SYNDIG1: variants seen among roughly 807,000 people sequenced by gnomAD.
SYNDIG1 encodes synapse differentiation inducing 1.
A neutral mutation model predicts 19.4 loss-of-function variants in SYNDIG1; 9 were observed. That is an observed-to-expected ratio of 0.46 (90% CI 0.28 to 0.81). The LOEUF (loss-of-function observed/expected upper bound fraction) is 0.81, where lower values mean the gene tolerates loss of function less well. SYNDIG1 is among the 30% of genes least tolerant of loss of function. SYNDIG1 has a pLI of 0.12. For missense variants in SYNDIG1, 311 were observed against 343.3 expected, an observed-to-expected ratio of 0.91 and a Z score of 0.74; for synonymous variants, 141 against 145.9, an observed-to-expected ratio of 0.97 and a Z score of 0.24.
intron 3 of SYNDIG1, among the ~76,000 whole-genome samples, chr20:24,593,676 T>C (rs533800009): frequency 7.9e-4 from 121 of 152,368 alleles, no homozygotes; most frequent in African/African-American, 2.8e-3. Context: ...GCATTCCCTT[T>C]TCTCCACAAC....
rs964268468 is a variant in SYNDIG1 at position 24,506,764 on chromosome 20, G to A, written c.-78-36256G>A. Among the ~76,000 whole-genome samples the A allele has an allele frequency of 2.0e-5, 3 of 152,260 alleles. No homozygotes were observed. The East Asian group carries it at 5.8e-4, about 29-fold the overall frequency. ...TGGCTCCTCCAGGACCTGGCAAGCC[G>A]TGTTATTGTGGTCCCAGGCAGTCCC... On this transcript the variant is annotated intron_variant, in intron 1 of 3. Transcript: ENST00000376862.
chr20:24,558,391 G>A (rs1291310435), intron 2 of SYNDIG1, among the ~76,000 whole-genome samples: 1 of 152,148 alleles, frequency 6.6e-6, no homozygotes, highest in East Asian at 1.9e-4. Context: ...TATTGTTTGT[G>A]TGATGTATCT....
At chr20:24,606,135 T>G (rs547151491) in intron 3 of SYNDIG1, among the ~76,000 whole-genome samples, 64 of 152,364 alleles carry the variant, frequency 4.2e-4, no homozygotes, top group African/African-American at 1.5e-3. Flanking sequence ...GAGGCTGGGA[T>G]GATCCAACAA....
chr20:24,626,255 C>T (rs999390482), intron 3 of SYNDIG1, among the ~76,000 whole-genome samples: 3 of 151,030 alleles, frequency 2.0e-5, no homozygotes, highest in Admixed American at 6.6e-5. Context: ...GGCTGCCGGG[C>T]GGAGATGCTC....
intron 3 of SYNDIG1, among the ~76,000 whole-genome samples, chr20:24,586,043 C>T (rs773804913): frequency 2.0e-5 from 3 of 152,216 alleles, no homozygotes; most frequent in Non-Finnish European, 4.4e-5. Flanking sequence ...GAGGAGAATC[C>T]GCCCTGCCTT....
intron 1 of SYNDIG1, among the ~76,000 whole-genome samples, chr20:24,498,503 C>G (rs2056357297): frequency 6.6e-6 from 1 of 152,192 alleles, no homozygotes; most frequent in African/African-American, 2.4e-5. Context: ...ACCAACACCT[C>G]CCCATTCCCA....
At chr20:24,538,478 T>C (rs527755090) in intron 1 of SYNDIG1, among the ~76,000 whole-genome samples, 3 of 152,358 alleles carry the variant, frequency 2.0e-5, no homozygotes, top group Admixed American at 1.3e-4. Context: ...TGAATGTAGA[T>C]AGCACATTTT....
At chr20:24,506,725 G>A (rs1192721199) in intron 1 of SYNDIG1, among the ~76,000 whole-genome samples, 1 of 152,132 alleles carries the variant, frequency 6.6e-6, no homozygotes. Flanking sequence ...CTGATGCAGT[G>A]GTGTCCGGGG....
intron 1 of SYNDIG1, among the ~76,000 whole-genome samples, chr20:24,541,861 A>C (rs2057475240): frequency 1.3e-5 from 2 of 152,244 alleles, no homozygotes. Flanking sequence ...ATTGGTACAG[A>C]GAGCCATGTG....
intron 2 of SYNDIG1, among the ~76,000 whole-genome samples, chr20:24,546,689 G>T (rs1304366921): frequency 6.6e-6 from 1 of 152,180 alleles, no homozygotes; most frequent in African/African-American, 2.4e-5. Flanking sequence ...CAGTCAGTGT[G>T]GGAGAGACTG....
intron 1 of SYNDIG1, chr20:24,495,850 T>C (rs1452728093): frequency 2.0e-5 from 3 of 152,190 alleles, no homozygotes; most frequent in African/African-American, 7.2e-5. Flanking sequence ...ATTTTATTTA[T>C]TTATTTATTT....
chr20:24,644,208 A>G (rs1415427457), intron 3 of SYNDIG1, among the ~76,000 whole-genome samples: 1 of 152,224 alleles, frequency 6.6e-6, no homozygotes, highest in Non-Finnish European at 1.5e-5. Context: ...GTGCTCATCC[A>G]TGAAGCAAGG....
In SYNDIG1 at chr20:24,574,051, C is replaced by T. The variant is rs181494691; in HGVS notation, c.481-10805C>T. ...AGAATACATCTTACACTGATTTCCTCGAGGTCCCAACAGGAGCAGCCTCCA... is the reference window on the plus strand; with the variant it reads ...AGAATACATCTTACACTGATTTCCTTGAGGTCCCAACAGGAGCAGCCTCCA... On this transcript the variant is annotated intron_variant, in intron 2 of 3. Transcript: ENST00000376862. Among the ~76,000 whole-genome samples the T allele has an allele frequency of 5.3e-5, 8 of 152,296 alleles. No individual in the cohort carries two copies. In the South Asian group the frequency reaches 8.3e-4, roughly 16 times the overall value.
chr20:24,582,170 C>T (rs1481911012), intron 2 of SYNDIG1, among the ~76,000 whole-genome samples: 1 of 143,950 alleles, frequency 6.9e-6, no homozygotes, highest in African/African-American at 2.6e-5. Flanking sequence ...CACTCCCTCC[C>T]GATTGCAAGT....
chr20:24,514,881 C>G (rs936072338), intron 1 of SYNDIG1, among the ~76,000 whole-genome samples: 5 of 152,210 alleles, frequency 3.3e-5, no homozygotes, highest in Non-Finnish European at 7.3e-5. Context: ...GGAAGTAAAA[C>G]ACTCCTCAGC....
intron 3 of SYNDIG1, among the ~76,000 whole-genome samples, chr20:24,661,560 A>ATG (rs1568723499): frequency 9.6e-6 from 1 of 103,664 alleles, no homozygotes; most frequent in African/African-American, 3.7e-5. Context: ...AGGAAAAAAG[A>ATG]GAGGAAGGAG....
chr20:24,607,563 C>T (rs554774109), intron 3 of SYNDIG1, among the ~76,000 whole-genome samples: 2 of 123,004 alleles, frequency 1.6e-5, no homozygotes, highest in Non-Finnish European at 3.4e-5. Flanking sequence ...CTGGCTGTGA[C>T]TTTTTCTCCT....
intron 2 of SYNDIG1, among the ~76,000 whole-genome samples, chr20:24,554,500 T>C (rs73612609): frequency 1.3e-5 from 2 of 152,146 alleles, no homozygotes; most frequent in African/African-American, 4.8e-5. Context: ...ATTTATTGAG[T>C]GTTTTTAGCA....
intron 1 of SYNDIG1, among the ~76,000 whole-genome samples, chr20:24,471,602 TAAAAAA>T (rs11442019): frequency 7.5e-6 from 1 of 132,978 alleles, no homozygotes; most frequent in African/African-American, 2.8e-5. Context: ...AGGGCCTTGT[TAAAAAA>T]AAAAAAAAAA....
Sources: gnomAD v4.1 joint callset for allele counts (sites outside exome capture counted in the v4.1 genomes callset) on GRCh38, gnomAD v4.1.1 for gene constraint, MANE v1.5 for transcripts, NCBI Gene and HGNC (gene_info 2026-07-23, HGNC 2026-07-21) for gene names.